The following CAMK1G variants were observed in gnomAD, a reference collection of about 807,000 sequenced individuals.
CAMK1G encodes the protein calcium/calmodulin-dependent protein kinase type 1G.
Under a neutral mutation model 54.8 loss-of-function variants are expected in CAMK1G, and 27 were observed. That is an observed-to-expected ratio of 0.49 (90% CI 0.36 to 0.68). The LOEUF (loss-of-function observed/expected upper bound fraction) is 0.68, where lower values mean the gene tolerates loss of function less well. Among genes scored for constraint, CAMK1G ranks in the 30% least tolerant of loss-of-function variants. The pLI is 0.00. For missense variants in CAMK1G, 512 were observed against 591.0 expected (o/e 0.87, Z 1.39); for synonymous variants, 238 against 224.9 (o/e 1.06, Z -0.52).
intron 3 of CAMK1G, among the ~76,000 whole-genome samples, chr1:209,601,410 GA>G (rs1356313491): frequency 6.6e-6 from 1 of 152,180 alleles, no homozygotes; most frequent in Non-Finnish European, 1.5e-5. Context: ...GCTAGGGGTG[GA>G]GAACAAAGAG....
chr1:209,609,722 A>T, intron 8 of CAMK1G, 129 bp from the exon 9 acceptor site: 3 of 865,878 alleles, frequency 3.5e-6, no homozygotes, highest in Non-Finnish European at 3.8e-6. Flanking sequence ...CTCTTCTAAG[A>T]CTCTTAAAAT....
At chr1:209,603,738 T>C (rs1407713745) in intron 4 of CAMK1G, among the ~76,000 whole-genome samples, 1 of 152,208 alleles carries the variant, frequency 6.6e-6, no homozygotes, top group African/African-American at 2.4e-5. Context: ...AATTGGATAG[T>C]AAATGTTTTA....
At chr1:209,600,322 A>G (rs186118044) in intron 3 of CAMK1G, among the ~76,000 whole-genome samples, 11 of 152,138 alleles carry the variant, frequency 7.2e-5, no homozygotes, top group African/African-American at 2.7e-4. Flanking sequence ...TGATGAGCAA[A>G]TCCACTGGTG....
intron 3 of CAMK1G, among the ~76,000 whole-genome samples, chr1:209,602,421 A>G (rs1665552060): frequency 6.6e-6 from 1 of 152,232 alleles, no homozygotes; most frequent in South Asian, 2.1e-4. Flanking sequence ...ATCTTGGAAC[A>G]CTAATTTTTC....
At chr1:209,592,670 G>A (rs368376971) in intron 1 of CAMK1G, among the ~76,000 whole-genome samples, 1 of 152,222 alleles carries the variant, frequency 6.6e-6, no homozygotes, top group African/African-American at 2.4e-5. Context: ...TACTCCAAGA[G>A]AGCGAAAGCA....
At position 209,613,883 on chromosome 1, in the gene CAMK1G, AC is replaced by A. The variant is rs1203072659; in HGVS notation, c.*885del. On this transcript the variant is annotated 3_prime_UTR_variant, in exon 13 of 13. Transcript: ENST00000361322. ...TCCTTCCCCAGTTTCCTCGCCCTCC[AC>A]CCCTCCAGCTTCATGCTCAGTGTTG... 1 of 151,886 alleles carries A rather than the reference AC, an allele frequency of 6.6e-6. No homozygotes were observed. Among genetic ancestry groups the A allele is most frequent in the East Asian group, 1.9e-4 (1 of 5,178 alleles). 9.4% of individuals were successfully genotyped at this position (151,886 alleles called of 1,614,324 possible).
intron 6 of CAMK1G, among the ~76,000 whole-genome samples, chr1:209,607,257 A>G (rs1665672951): frequency 6.6e-6 from 1 of 152,182 alleles, no homozygotes; most frequent in African/African-American, 2.4e-5. Context: ...GCAGCTCTCT[A>G]CACCCCACAG....
chr1:209,593,029 AT>A (rs1401676536), intron 1 of CAMK1G, among the ~76,000 whole-genome samples: 2 of 152,252 alleles, frequency 1.3e-5, no homozygotes, highest in African/African-American at 4.8e-5. Context: ...ACTGTTTATC[AT>A]GTGTATCAAT....
chr1:209,602,258 A>T (rs948812217), intron 3 of CAMK1G, among the ~76,000 whole-genome samples: 3 of 152,084 alleles, frequency 2.0e-5, no homozygotes, highest in Non-Finnish European at 4.4e-5. Flanking sequence ...TGCCAGCAGC[A>T]CCTTCCCCTG....
At chr1:209,587,985 T>G (rs1307374411) in intron 1 of CAMK1G, among the ~76,000 whole-genome samples, 3 of 152,154 alleles carry the variant, frequency 2.0e-5, no homozygotes, top group African/African-American at 7.2e-5. Context: ...TCCCAAAGAA[T>G]GGAAAATCCC....
intron 9 of CAMK1G, 33 bp from the exon 10 acceptor site, chr1:209,611,432 C>G (rs147268106): frequency 1.9e-6 from 3 of 1,607,598 alleles, no homozygotes; most frequent in East Asian, 2.2e-5. Flanking sequence ...AAATAGCCAC[C>G]CAGTAGCCAG....
intron 6 of CAMK1G, among the ~76,000 whole-genome samples, chr1:209,606,845 C>A (rs1299430290): frequency 1.3e-5 from 2 of 152,198 alleles, no homozygotes; most frequent in Non-Finnish European, 2.9e-5. Flanking sequence ...GCCCCCAGTT[C>A]TTGGGAGCCT....
rs145775098 is a variant in CAMK1G, at chr1:209,603,277, G to C, written c.285G>C (p.Leu95=). Residue 95 remains leucine, a synonymous_variant, in exon 4 of 13, where the codon CTG becomes CTC. Transcript: ENST00000361322. ...DIYESTTHYY[L]VMQLVSGGEL... ...ATGAGAGCACCACCCACTACTACCT[G>C]GTCATGCAGCTGTAAGTAAAAGGTG... is the stretch of plus-strand genomic sequence containing the variant. The C allele has an allele frequency of 1.9e-6, 3 of 1,613,654 alleles. No homozygotes were observed. The highest frequency in any genetic ancestry group is 1.3e-5 in the African/African-American group (1 of 74,900).
In CAMK1G at chr1:209,592,278, G is replaced by A. The variant is rs1282938036; in HGVS notation, c.-29-2677G>A. Among the ~76,000 whole-genome samples the A allele has an allele frequency of 2.7e-5, 4 of 149,526 alleles. No individual in the cohort carries two copies. In the South Asian group the frequency reaches 8.5e-4, roughly 32 times the overall value. ...GGGATTACTTCAAGCCCAGGAGGTTGAGGCTGCAGTAAGGAATGATCACAC... is the reference window on the plus strand; with the variant it reads ...GGGATTACTTCAAGCCCAGGAGGTTAAGGCTGCAGTAAGGAATGATCACAC... On this transcript the variant is annotated intron_variant, in intron 1 of 12. Transcript: ENST00000361322.
At chr1:209,610,080 A>G in intron 9 of CAMK1G, 151 bp downstream of exon 9, 1 of 701,986 alleles carries the variant, frequency 1.4e-6, no homozygotes, top group Non-Finnish European at 2.5e-6. Flanking sequence ...CATCAGGCCC[A>G]GGTAGAGATT....
At chr1:209,605,236 C>G (rs1440659004) in intron 4 of CAMK1G, among the ~76,000 whole-genome samples, 1 of 152,156 alleles carries the variant, frequency 6.6e-6, no homozygotes, top group African/African-American at 2.4e-5. Flanking sequence ...AGTGTGTCCA[C>G]ACTAAGGGAT....
intron 1 of CAMK1G, among the ~76,000 whole-genome samples, chr1:209,585,105 T>G (rs1051262903): frequency 1.3e-5 from 2 of 152,182 alleles, no homozygotes; most frequent in African/African-American, 4.8e-5. Context: ...CAGTGAACTT[T>G]CCACGATGCT....
intron 1 of CAMK1G, among the ~76,000 whole-genome samples, chr1:209,585,814 A>G (rs1665083622): frequency 6.6e-6 from 1 of 152,282 alleles, no homozygotes; most frequent in South Asian, 2.1e-4. Flanking sequence ...GCCCAGCCGC[A>G]GCCTGCCAGC....
intron 1 of CAMK1G, among the ~76,000 whole-genome samples, chr1:209,592,742 G>T (rs1665288374): frequency 6.6e-6 from 1 of 152,136 alleles, no homozygotes; most frequent in Non-Finnish European, 1.5e-5. Context: ...GGATCTACTT[G>T]GACCAAAAGT....
Sources: gnomAD v4.1 joint callset for allele counts (sites outside exome capture counted in the v4.1 genomes callset) on GRCh38, gnomAD v4.1.1 for gene constraint, MANE v1.5 for transcripts, NCBI Gene and HGNC (gene_info 2026-07-23, HGNC 2026-07-21) for gene names.